ERBB4: variants seen among roughly 807,000 people sequenced by gnomAD.
The protein encoded by ERBB4 is erb-b2 receptor tyrosine kinase 4.
A neutral mutation model predicts 158.0 loss-of-function variants in ERBB4; 42 were observed. The observed-to-expected ratio is 0.27, with a 90% CI of 0.21 to 0.34. The LOEUF is 0.34. Among genes scored for constraint, ERBB4 ranks in the 10% least tolerant of loss-of-function variants. The pLI, the probability that ERBB4 is intolerant of heterozygous loss-of-function variation, is 1.00. For synonymous variants in ERBB4, 583 were observed against 558.7 expected, an observed-to-expected ratio of 1.04 and a Z score of -0.61; for missense variants, 1,333 against 1,624.1, an observed-to-expected ratio of 0.82 and a Z score of 3.08.
intron 1 of ERBB4, among the ~76,000 whole-genome samples, chr2:212,449,376 T>G (rs2092412440): frequency 6.6e-6 from 1 of 152,170 alleles, no homozygotes; most frequent in Non-Finnish European, 1.5e-5. Flanking sequence ...AGACACTAGC[T>G]GCTTTTGGTA....
At chr2:211,940,374 C>T (rs1448111789) in intron 3 of ERBB4, among the ~76,000 whole-genome samples, 2 of 152,116 alleles carry the variant, frequency 1.3e-5, no homozygotes, top group East Asian at 1.9e-4. Context: ...AAGCATGCTT[C>T]CTCAATAGAT....
chr2:212,080,676 T>TAAA (rs5838296), intron 2 of ERBB4, among the ~76,000 whole-genome samples: 6 of 139,380 alleles, frequency 4.3e-5, no homozygotes, highest in South Asian at 2.3e-4. Flanking sequence ...GTATAAATAG[T>TAAA]AAAAAAAAAA....
At chr2:212,499,136 A>C (rs751507062) in intron 1 of ERBB4, among the ~76,000 whole-genome samples, 5 of 152,172 alleles carry the variant, frequency 3.3e-5, no homozygotes, top group Middle Eastern at 3.4e-3. Context: ...TCAAGTAATC[A>C]GTTGTTAATT....
chr2:211,420,813 CT>C (rs2125404572), intron 24 of ERBB4, among the ~76,000 whole-genome samples: 1 of 152,004 alleles, frequency 6.6e-6, no homozygotes, highest in East Asian at 1.9e-4. Flanking sequence ...GGTAAACAAA[CT>C]TTATACAAGG....
intron 1 of ERBB4, among the ~76,000 whole-genome samples, chr2:212,171,217 C>G (rs991274564): frequency 2.0e-5 from 3 of 152,076 alleles, no homozygotes; most frequent in Non-Finnish European, 2.9e-5. Flanking sequence ...GGATTTCAGA[C>G]TTGCATGGGG....
intron 19 of ERBB4, among the ~76,000 whole-genome samples, chr2:211,577,809 T>C (rs1160466654): frequency 3.9e-5 from 6 of 152,098 alleles, no homozygotes; most frequent in Non-Finnish European, 8.8e-5. Context: ...AAGGAACATA[T>C]CTCAAAATAA....
chr2:212,529,708 G>T lies in ERBB4; in HGVS notation c.82+8741C>A, dbSNP rs1692647422. ...AGTCTCTGCAGAGTATAAAAACATT[G>T]GTACTTAAAAAGTCAAAACTATTGG... On this transcript the variant is annotated intron_variant, in intron 1 of 27. Coordinates refer to ENST00000342788, the MANE Select transcript of ERBB4 (RefSeq NM_005235.3). Among the ~76,000 whole-genome samples the T allele has an allele frequency of 2.0e-5, 3 of 152,184 alleles. No individual in the cohort carries two copies. The South Asian group carries it at 6.2e-4, about 32-fold the overall frequency.
intron 3 of ERBB4, among the ~76,000 whole-genome samples, chr2:211,849,265 C>T (rs1276814317): frequency 6.6e-6 from 1 of 151,868 alleles, no homozygotes; most frequent in East Asian, 1.9e-4. Context: ...TGGAAATATA[C>T]ATTAATAACT....
chr2:211,984,615 C>T (rs916654165), intron 2 of ERBB4, among the ~76,000 whole-genome samples: 2 of 151,514 alleles, frequency 1.3e-5, no homozygotes, highest in Non-Finnish European at 2.9e-5. Flanking sequence ...GCCTAGTATG[C>T]TGATGGAATA....
chr2:211,639,653 C>A (rs958917717), intron 16 of ERBB4, among the ~76,000 whole-genome samples: 2 of 152,170 alleles, frequency 1.3e-5, no homozygotes, highest in Non-Finnish European at 2.9e-5. Flanking sequence ...ATTAAGCATA[C>A]ACATTTCTGT....
chr2:212,194,291 T>TACACACACACACAC (rs5838307), intron 1 of ERBB4, among the ~76,000 whole-genome samples: 6,691 of 148,732 alleles, frequency 0.045, 186 homozygotes, highest in Admixed American at 0.069. Context: ...AAATAGTTTA[T>TACACACACACACAC]ACACACACAC....
intron 16 of ERBB4, among the ~76,000 whole-genome samples, chr2:211,650,420 A>G (rs2070939530): frequency 6.6e-6 from 1 of 152,132 alleles, no homozygotes; most frequent in Non-Finnish European, 1.5e-5. Context: ...GACTCAAATT[A>G]TCATAATTTA....
intron 1 of ERBB4, among the ~76,000 whole-genome samples, chr2:212,301,121 CTTTT>C (rs75336458): frequency 1.4e-5 from 2 of 144,560 alleles, no homozygotes; most frequent in Admixed American, 6.9e-5. Flanking sequence ...CATTGATATG[CTTTT>C]TTTTTTTTTT....
chr2:212,403,723 T>G (rs2091271284), intron 1 of ERBB4, among the ~76,000 whole-genome samples: 2 of 151,996 alleles, frequency 1.3e-5, no homozygotes, highest in Admixed American at 6.6e-5. Context: ...TGCCAGGGAC[T>G]AGGGGCTTGG....
intron 20 of ERBB4, among the ~76,000 whole-genome samples, chr2:211,476,555 T>C (rs2064959070): frequency 1.5e-5 from 2 of 135,316 alleles, no homozygotes; most frequent in Admixed American, 1.4e-4. Context: ...AGAAATACTA[T>C]AAATAAAAAA....
rs896600492 is a variant in ERBB4 at position 212,324,880 on chromosome 2, A to T, written c.83-199977T>A. Among the ~76,000 whole-genome samples, 6 of 150,372 alleles carry T rather than the reference A, an allele frequency of 4.0e-5. 1 individual carries two copies. Among genetic ancestry groups the T allele is most frequent in the Non-Finnish European group, 7.5e-5 (5 of 67,074 alleles). On this transcript the variant is annotated intron_variant, in intron 1 of 27. Transcript: ENST00000342788. ...TTCCTAATATTCAGTATGCTCAAAAATTTTTTCCTCCTAAGTTCTGGTATA... is the reference window on the plus strand; with the variant it reads ...TTCCTAATATTCAGTATGCTCAAAATTTTTTTCCTCCTAAGTTCTGGTATA...
At chr2:212,193,383 G>A (rs1574407576) in intron 1 of ERBB4, among the ~76,000 whole-genome samples, 3 of 152,040 alleles carry the variant, frequency 2.0e-5, no homozygotes, top group East Asian at 1.9e-4. Context: ...GAGATGTTAA[G>A]TATTTAATTA....
chr2:211,965,402 C>A (rs901727064), intron 2 of ERBB4, among the ~76,000 whole-genome samples: 1 of 152,042 alleles, frequency 6.6e-6, no homozygotes, highest in Non-Finnish European at 1.5e-5. Flanking sequence ...TTTAAATTAT[C>A]ATAAACATAT....
intron 3 of ERBB4, among the ~76,000 whole-genome samples, chr2:211,930,445 T>A (rs563624298): frequency 6.6e-6 from 1 of 152,302 alleles, no homozygotes; most frequent in Admixed American, 6.5e-5. Context: ...CTTTCTTAAA[T>A]TTTCATGTTT....
Sources: allele counts gnomAD v4.1 joint callset (sites outside exome capture counted in the v4.1 genomes callset), GRCh38; gene constraint gnomAD v4.1.1; transcripts MANE v1.5; gene names NCBI Gene and HGNC (gene_info 2026-07-23, HGNC 2026-07-21).